EPHA5: variants seen among roughly 807,000 people sequenced by gnomAD.
EPHA5 encodes the protein ephrin type-A receptor 5.
A neutral mutation model predicts 105.0 loss-of-function variants in EPHA5; 60 were observed. That is an observed-to-expected ratio of 0.57 (90% CI 0.46 to 0.71). EPHA5 has a LOEUF of 0.71. Among genes scored for constraint, EPHA5 ranks in the 30% least tolerant of loss-of-function variants. The probability of loss-of-function intolerance (pLI) is 0.00; values close to 1 mark genes in which losing one functional copy is unlikely to be tolerated. For synonymous variants in EPHA5, 513 were observed against 449.1 expected, an observed-to-expected ratio of 1.14 and a Z score of -1.80; for missense variants, 1,218 against 1,274.7, an observed-to-expected ratio of 0.96 and a Z score of 0.68.
In EPHA5 at chr4:65,321,260, CTG is replaced by C. The variant is rs1391671969; in HGVS notation, c.*2852_*2853del. Reference sequence around the variant, plus strand: ...GTTGTATATACTAAAATTGTCATGTCTGTGCTTTATTTTTGGTAGTCTGGTGG... The same window carrying C: ...GTTGTATATACTAAAATTGTCATGTCTGCTTTATTTTTGGTAGTCTGGTGG... On this transcript the variant is annotated 3_prime_UTR_variant, in exon 17 of 17. Coordinates refer to ENST00000613740, the MANE Select transcript of EPHA5 (RefSeq NM_001281766.3). 4.3e-6 allele frequency: 1 copy of C among 230,172 alleles called. No individual in the cohort carries two copies. The highest frequency in any genetic ancestry group is 2.2e-5 in the African/African-American group (1 of 45,084). 14.3% of individuals were successfully genotyped at this position (230,172 alleles called of 1,614,324 possible). A position where few individuals can be genotyped will look rare whatever the true frequency, so the allele number is the denominator to read the frequency against.
chr4:65,348,324 C>T, intron 13 of EPHA5, 121 bp from the exon 14 acceptor site: 6 of 893,300 alleles, frequency 6.7e-6, no homozygotes, highest in Non-Finnish European at 1.0e-5. Flanking sequence ...TGTTTGACAG[C>T]GCGCAGTGTC....
intron 8 of EPHA5, among the ~76,000 whole-genome samples, chr4:65,370,214 G>A (rs1718322932): frequency 6.6e-6 from 1 of 151,944 alleles, no homozygotes; most frequent in African/African-American, 2.4e-5. Context: ...TGAAAAGGAG[G>A]GAAGAAACAA....
intron 5 of EPHA5, among the ~76,000 whole-genome samples, chr4:65,454,227 T>C (rs943826732): frequency 6.6e-6 from 1 of 151,738 alleles, no homozygotes; most frequent in Non-Finnish European, 1.5e-5. Context: ...TTGCAGTGAG[T>C]CGAGTTCGTG....
intron 3 of EPHA5, among the ~76,000 whole-genome samples, chr4:65,580,015 T>A (rs1035752809): frequency 7.9e-5 from 12 of 152,080 alleles, no homozygotes; most frequent in African/African-American, 2.6e-4. Flanking sequence ...AAGCTGATGG[T>A]AAATATGCAT....
At chr4:65,503,160 G>T (rs898552613) in intron 3 of EPHA5, among the ~76,000 whole-genome samples, 1 of 151,738 alleles carries the variant, frequency 6.6e-6, no homozygotes, top group Admixed American at 6.6e-5. Flanking sequence ...AAAGCTAACT[G>T]TTGGGTACTA....
chr4:65,563,497 A>G (rs1278153121), intron 3 of EPHA5, among the ~76,000 whole-genome samples: 1 of 152,024 alleles, frequency 6.6e-6, no homozygotes, highest in African/African-American at 2.4e-5. Flanking sequence ...GAAATTACAT[A>G]ATGGTTAGAT....
intron 8 of EPHA5, among the ~76,000 whole-genome samples, chr4:65,397,311 T>C (rs987480450): frequency 5.9e-5 from 9 of 152,246 alleles, no homozygotes; most frequent in Admixed American, 3.3e-4. Flanking sequence ...CTTAGCAAGA[T>C]TGTGGAGTGG....
intron 2 of EPHA5, among the ~76,000 whole-genome samples, chr4:65,624,743 G>A (rs1182216962): frequency 1.3e-5 from 2 of 152,146 alleles, no homozygotes; most frequent in African/African-American, 4.8e-5. Context: ...GAAAGCAAAG[G>A]AGTCTTGATG....
At chr4:65,377,835 A>G (rs1236642847) in intron 8 of EPHA5, among the ~76,000 whole-genome samples, 1 of 151,966 alleles carries the variant, frequency 6.6e-6, no homozygotes. Flanking sequence ...TGGTGGCAGA[A>G]TAAAAGACAT....
chr4:65,359,842 C>A (rs1368541097), intron 11 of EPHA5, among the ~76,000 whole-genome samples: 1 of 151,624 alleles, frequency 6.6e-6, no homozygotes, highest in Non-Finnish European at 1.5e-5. Flanking sequence ...AAATCAAATT[C>A]TATCCCATGT....
intron 3 of EPHA5, among the ~76,000 whole-genome samples, chr4:65,559,345 A>G (rs1318885965): frequency 1.3e-5 from 2 of 152,182 alleles, no homozygotes; most frequent in African/African-American, 4.8e-5. Context: ...AAGTAAACAC[A>G]TAAGGATTTG....
chr4:65,353,524 A>G (rs1723025974), intron 11 of EPHA5, among the ~76,000 whole-genome samples: 1 of 151,262 alleles, frequency 6.6e-6, no homozygotes, highest in Non-Finnish European at 1.5e-5. Context: ...ACACACACAC[A>G]CACACACACC....
chr4:65,507,442 A>T (rs570530197), intron 3 of EPHA5, among the ~76,000 whole-genome samples: 1 of 152,144 alleles, frequency 6.6e-6, no homozygotes, highest in Non-Finnish European at 1.5e-5. Flanking sequence ...CATTGAATCT[A>T]TAAATTACCT....
At chr4:65,657,617 C>A (rs1212981306) in intron 1 of EPHA5, among the ~76,000 whole-genome samples, 2 of 152,086 alleles carry the variant, frequency 1.3e-5, no homozygotes, top group Admixed American at 1.3e-4. Flanking sequence ...TTAAGAAAGA[C>A]TGCAATACCA....
chr4:65,477,156 A>G (rs572567146), intron 5 of EPHA5, among the ~76,000 whole-genome samples: 12 of 152,324 alleles, frequency 7.9e-5, no homozygotes, highest in Admixed American at 4.6e-4. Context: ...GTTACCTTAG[A>G]AAGCCATGTT....
intron 3 of EPHA5, among the ~76,000 whole-genome samples, chr4:65,542,831 A>G (rs4324598): frequency 0.12 from 17,502 of 151,948 alleles, 1,438 homozygotes; most frequent in East Asian, 0.3. Flanking sequence ...TCAATAAAAT[A>G]CTGGCAAATC....
At chr4:65,450,108 AT>A (rs1276395299) in intron 5 of EPHA5, among the ~76,000 whole-genome samples, 1 of 152,148 alleles carries the variant, frequency 6.6e-6, no homozygotes, top group Non-Finnish European at 1.5e-5. Context: ...GTTTTTAAAT[AT>A]TTTTTTTACT....
intron 5 of EPHA5, among the ~76,000 whole-genome samples, chr4:65,456,222 T>C (rs1277501849): frequency 6.6e-6 from 1 of 152,190 alleles, no homozygotes; most frequent in Non-Finnish European, 1.5e-5. Flanking sequence ...GGAATTTCTA[T>C]TGCAGAGGCA....
At position 65,516,265 on chromosome 4, in the gene EPHA5, A is replaced by T. The variant is rs111318730; in HGVS notation, c.911-20722T>A. Among the ~76,000 whole-genome samples, 345 of 152,284 alleles carry T rather than the reference A, an allele frequency of 2.3e-3. 1 individual carries two copies. The highest frequency in any genetic ancestry group is 8.0e-3 in the African/African-American group (334 of 41,576). On this transcript the variant is annotated intron_variant, in intron 3 of 16. Transcript: ENST00000613740. ...TTGTTTAACACATGTTTTGTATGTT[A>T]TATGTATTATATACTCGATTCTTAC...
Sources: allele counts gnomAD v4.1 joint callset (sites outside exome capture counted in the v4.1 genomes callset), GRCh38; gene constraint gnomAD v4.1.1; transcripts MANE v1.5; gene names NCBI Gene and HGNC (gene_info 2026-07-23, HGNC 2026-07-21).